The following KCTD17 variants were observed in gnomAD, a reference collection of about 807,000 sequenced individuals.
The protein encoded by KCTD17 is potassium channel tetramerization domain containing 17, also known as BTB/POZ domain-containing protein KCTD17.
In KCTD17, 20 loss-of-function variants were observed where a neutral mutation model predicts 41.5. The observed-to-expected ratio is 0.48, with a 90% CI of 0.34 to 0.70. The LOEUF (loss-of-function observed/expected upper bound fraction) is 0.70, where lower values mean the gene tolerates loss of function less well. Among genes scored for constraint, KCTD17 ranks in the 30% least tolerant of loss-of-function variants. KCTD17 has a pLI of 0.01. For synonymous variants in KCTD17, 156 were observed against 173.8 expected, an observed-to-expected ratio of 0.90 and a Z score of 0.80; for missense variants, 317 against 427.2, an observed-to-expected ratio of 0.74 and a Z score of 2.27.
rs146127576 is a variant in KCTD17, at chr22:37,061,545, G to A, written c.791G>A (p.Arg264His). Reference sequence around the variant, plus strand: ...TCACGTTTCCTCCTTGCAGGTTCCCGTCCGCACCCTCTCAGACCTGAGGCT... The same window carrying A: ...TCACGTTTCCTCCTTGCAGGTTCCCATCCGCACCCTCTCAGACCTGAGGCT... ...PPPPLPAGGS[R>H]PHPLRPEAEL... Residue 264 changes from arginine (R) to histidine (H), a missense_variant, in exon 8 of 9, where the codon CGT becomes CAT. Coordinates refer to ENST00000403888, the MANE Select transcript of KCTD17 (RefSeq NM_001282684.2). The surrounding 1 kb of genome is among the most constrained non-coding windows in gnomAD (Gnocchi z 6.6). 1.0e-3 allele frequency: 1,663 copies of A among 1,601,402 alleles called. 16 individuals are homozygous for A. In the African/African-American group the frequency reaches 0.014, roughly 13 times the overall value.
chr22:37,052,319 A>C, intron 1 of KCTD17: 1 of 356,010 alleles, frequency 2.8e-6, no homozygotes, highest in Non-Finnish European at 5.5e-6. Context: ...GCTCTTTGGG[A>C]TGTGGGTGGC....
chr22:37,052,988 C>T, intron 1 of KCTD17, 112 bp from the exon 2 acceptor site: 1 of 859,024 alleles, frequency 1.2e-6, no homozygotes, highest in Non-Finnish European at 1.9e-6. Flanking sequence ...TTTGTGCCTG[C>T]TCCATCCAGG....
chr22:37,059,645 C>T lies in KCTD17; in HGVS notation c.612+207C>T, dbSNP rs855792. ...GCTGGGAGCAGTGAAATGAGAGCAT[C>T]CCCAGGGTGCAGCCGGCGTGGACTC... On this transcript the variant is annotated intron_variant, in intron 5 of 8. Transcript: ENST00000403888. 10 of 636,928 alleles carry T rather than the reference C, an allele frequency of 1.6e-5. No homozygotes were observed. The African/African-American group carries it at 1.7e-4, about 11-fold the overall frequency. The allele number at this position is 636,928 out of a possible 1,614,324, so 39.5% of individuals were successfully genotyped here. A position where few individuals can be genotyped will look rare whatever the true frequency, so the allele number is the denominator to read the frequency against.
chr22:37,058,142 C>T (rs1236753091), intron 4 of KCTD17, among the ~76,000 whole-genome samples: 1 of 151,932 alleles, frequency 6.6e-6, no homozygotes, highest in East Asian at 1.9e-4. Flanking sequence ...GAAAGTGAGC[C>T]CAGGGTCAAA....
intron 4 of KCTD17, among the ~76,000 whole-genome samples, chr22:37,057,885 G>T (rs1417764589): frequency 1.3e-5 from 2 of 152,224 alleles, no homozygotes; most frequent in Non-Finnish European, 2.9e-5. Context: ...CTCAGAGTCA[G>T]CATCATGCGA....
intron 1 of KCTD17, 154 bp downstream of exon 1, chr22:37,052,103 G>A (rs1369854446): frequency 8.3e-6 from 8 of 961,400 alleles, no homozygotes; most frequent in East Asian, 3.5e-5. Context: ...GGAGGGGAGG[G>A]GGAGGTGGGT....
At chr22:37,059,674 G>A (rs141435455) in intron 5 of KCTD17, among the ~76,000 whole-genome samples, 207 of 152,316 alleles carry the variant, frequency 1.4e-3, no homozygotes, top group African/African-American at 4.5e-3. Flanking sequence ...TGGACTCAGA[G>A]GCTACATGAA....
At position 37,051,844 on chromosome 22, in the gene KCTD17, C is replaced by G; in HGVS notation, c.84C>G (p.Leu28=). 2 of 1,451,350 alleles carry G rather than the reference C, an allele frequency of 1.4e-6. No individual in the cohort carries two copies. The highest frequency in any genetic ancestry group is 2.9e-5 in the East Asian group (1 of 34,280). 89.9% of individuals were successfully genotyped at this position (1,451,350 alleles called of 1,614,324 possible). A position where few individuals can be genotyped will look rare whatever the true frequency, so the allele number is the denominator to read the frequency against. ...GCGGCTGGGGCAAGTGGGTGCGGCT[C>G]AACGTGGGGGGCACGGTGTTCCTGA... The part of the protein sequence containing the change: ...AAGGWGKWVR[L]NVGGTVFLTT... The change falls in exon 1 of 9, where the codon CTC becomes CTG. Residue 28 remains leucine (L), a synonymous_variant. Coordinates refer to ENST00000403888, the MANE Select transcript of KCTD17 (RefSeq NM_001282684.2).
chr22:37,052,284 A>T, intron 1 of KCTD17: 1 of 377,986 alleles, frequency 2.6e-6, no homozygotes, highest in Non-Finnish European at 5.1e-6. Context: ...GCTCTGGGGA[A>T]GGAGTCGACG....
chr22:37,052,342 G>C (rs1601479692), intron 1 of KCTD17: 1 of 361,672 alleles, frequency 2.8e-6, no homozygotes, highest in Non-Finnish European at 5.5e-6. Context: ...AGGGGTGCAG[G>C]GAGCTAGCTG....
At chr22:37,052,215 T>G in intron 1 of KCTD17, 1 of 458,028 alleles carries the variant, frequency 2.2e-6, no homozygotes, top group Non-Finnish European at 3.9e-6. Flanking sequence ...CTCCTTCTCC[T>G]TTGGGGCTGT....
At chr22:37,059,139 A>G (rs1319709991) in intron 4 of KCTD17, among the ~76,000 whole-genome samples, 174 bp from the exon 5 acceptor site, 2 of 152,094 alleles carry the variant, frequency 1.3e-5, no homozygotes, top group Non-Finnish European at 2.9e-5. Context: ...TGCAAGGGGG[A>G]AGACTCCACC....
At position 37,053,238 on chromosome 22, in the gene KCTD17, C is replaced by T. The variant is rs1364553105; in HGVS notation, c.298+30C>T. 3 of 1,514,498 alleles carry T rather than the reference C, an allele frequency of 2.0e-6. No individual in the cohort carries two copies. Among genetic ancestry groups the T allele is most frequent in the Non-Finnish European group, 2.7e-6 (3 of 1,109,552 alleles). 93.8% of individuals were successfully genotyped at this position (1,514,498 alleles called of 1,614,324 possible). On this transcript the variant is annotated intron_variant, in intron 2 of 8. Coordinates refer to ENST00000403888, the MANE Select transcript of KCTD17 (RefSeq NM_001282684.2). This position sits in a 1 kb window ranked among gnomAD's most constrained non-coding sequence, Gnocchi z 4.1. ...GTTGGTCCAGGGGGCTGGCCTGGACCTTATGCAGCCTGCCAGGGCCCTCTG... is the reference window on the plus strand; with the variant it reads ...GTTGGTCCAGGGGGCTGGCCTGGACTTTATGCAGCCTGCCAGGGCCCTCTG...
At chr22:37,059,143 C>A (rs1055494368) in intron 4 of KCTD17, among the ~76,000 whole-genome samples, 170 bp from the exon 5 acceptor site, 4 of 152,150 alleles carry the variant, frequency 2.6e-5, no homozygotes, top group Non-Finnish European at 5.9e-5. Context: ...AGGGGGAAGA[C>A]TCCACCTTCC....
At chr22:37,057,259 TC>T in intron 3 of KCTD17, 138 bp from the exon 4 acceptor site, 4 of 724,446 alleles carry the variant, frequency 5.5e-6, no homozygotes, top group East Asian at 2.7e-5. Flanking sequence ...CATGGCTGCC[TC>T]CCCCCAACCA....
intron 3 of KCTD17, 61 bp from the exon 4 acceptor site, chr22:37,057,337 G>T: frequency 1.5e-6 from 2 of 1,327,492 alleles, no homozygotes. Flanking sequence ...AGGTGCTCAT[G>T]CCCCTCCTGG....
At position 37,060,978 on chromosome 22, in the gene KCTD17, C is replaced by T. The variant is rs561019135; in HGVS notation, c.712+56C>T. 1.9e-6 allele frequency: 3 copies of T among 1,541,976 alleles called. 1 individual carries two copies. The South Asian group carries it at 3.6e-5, about 19-fold the overall frequency. ...AAGCAAAGCCGGAGCCTCCCGCCCA[C>T]TCCTTGCTGGAGCCAGCTGCAGAAC... On this transcript the variant is annotated intron_variant, in intron 6 of 8. Coordinates refer to ENST00000403888, the MANE Select transcript of KCTD17 (RefSeq NM_001282684.2).
intron 4 of KCTD17, among the ~76,000 whole-genome samples, chr22:37,058,059 T>C (rs1437820343): frequency 1.3e-5 from 2 of 152,246 alleles, no homozygotes; most frequent in East Asian, 3.8e-4. Context: ...CGGGAGATCC[T>C]TATCCCGAGG....
rs755532238 is a variant in KCTD17, at chr22:37,056,327, G to A, written c.306G>A (p.Leu102=). Reference sequence around the variant, plus strand: ...CTGTTCTGTCTGTGCCAGGGGTCCTGGAGGAAGCCGAGTTCTACAACATCG... The same window carrying A: ...CTGTTCTGTCTGTGCCAGGGGTCCTAGAGGAAGCCGAGTTCTACAACATCG... ...LDKDMAEEGV[L]EEAEFYNIGP... Residue 102 remains leucine (L), a synonymous_variant, in exon 3 of 9, where the codon CTG becomes CTA. Coordinates refer to ENST00000403888, the MANE Select transcript of KCTD17 (RefSeq NM_001282684.2). 37 of 1,613,170 alleles carry A rather than the reference G, an allele frequency of 2.3e-5. 1 individual carries two copies. The South Asian group carries it at 4.0e-4, about 17-fold the overall frequency.
Sources: gnomAD v4.1 joint callset for allele counts (sites outside exome capture counted in the v4.1 genomes callset) on GRCh38, gnomAD v4.1.1 for gene constraint, Gnocchi (gnomAD v3.1) non-coding constraint, MANE v1.5 for transcripts, NCBI Gene and HGNC (gene_info 2026-07-23, HGNC 2026-07-21) for gene names.